Variants in SCRG1 observed in about 807,000 individuals in gnomAD.
SCRG1 encodes the protein scrapie-responsive protein 1.
SCRG1 carries 3 observed loss-of-function variants against 7.7 expected under a neutral mutation model. The ratio of observed to expected loss-of-function variants is 0.39; its 90% CI spans 0.18 to 1.01. The LOEUF (loss-of-function observed/expected upper bound fraction) is 1.01. Among genes scored for constraint, SCRG1 ranks in the 50% least tolerant of loss-of-function variants. The pLI is 0.36. For missense variants in SCRG1, 110 were observed against 117.2 expected (o/e 0.94, Z 0.28); for synonymous variants, 46 against 41.2 (o/e 1.12, Z -0.44).
chr4:173,502,162 C>T, the SCRG1 span, among the ~76,000 whole-genome samples: 1 of 150,990 alleles, frequency 6.6e-6, no homozygotes, highest in Admixed American at 6.6e-5. The surrounding 1 kb of genome is among the most constrained non-coding windows in gnomAD (Gnocchi z 4.6). Context: ...CTGACCCTTC[C>T]TCAACCTGGC....
chr4:173,388,518 T>A, intron 2 of SCRG1, 123 bp from the exon 3 acceptor site: 1 of 613,926 alleles, frequency 1.6e-6, no homozygotes, highest in Non-Finnish European at 2.7e-6. Context: ...TTTAGGTGAC[T>A]AAAATGTAAA....
At chr4:173,476,380 A>ATAT in the SCRG1 span, among the ~76,000 whole-genome samples, 3 of 138,546 alleles carry the variant, frequency 2.2e-5, no homozygotes. Context: ...ATATATATAT[A>ATAT]ATGAATTGAA....
the SCRG1 span, chr4:173,468,756 A>G: frequency 6.6e-6 from 1 of 152,208 alleles, no homozygotes; most frequent in Non-Finnish European, 1.5e-5. Flanking sequence ...AAGTAAACTC[A>G]TCCCTACTTT....
At chr4:173,506,756 T>C in the SCRG1 span, among the ~76,000 whole-genome samples, 1 of 152,256 alleles carries the variant, frequency 6.6e-6, no homozygotes, top group Non-Finnish European at 1.5e-5. The surrounding 1 kb of genome is among the most constrained non-coding windows in gnomAD (Gnocchi z 5.3). Flanking sequence ...TCAGTCCTGT[T>C]ACGGTGGCGG....
At chr4:173,434,688 C>T in the SCRG1 span, among the ~76,000 whole-genome samples, 11 of 152,112 alleles carry the variant, frequency 7.2e-5, no homozygotes, top group East Asian at 9.7e-4. Context: ...AACAATTAGC[C>T]GGGTGTCGTG....
the SCRG1 span, among the ~76,000 whole-genome samples, chr4:173,485,028 ATT>A: frequency 0.023 from 555 of 23,860 alleles, 100 homozygotes; most frequent in African/African-American, 0.089. Context: ...TATATAATAT[ATT>A]ATATATTATA....
the SCRG1 span, among the ~76,000 whole-genome samples, chr4:173,490,642 A>G: frequency 6.6e-6 from 1 of 152,222 alleles, no homozygotes; most frequent in Non-Finnish European, 1.5e-5. Context: ...TTTTATTTCA[A>G]TGCCTTGATC....
At chr4:173,479,598 G>A in the SCRG1 span, among the ~76,000 whole-genome samples, 2 of 151,762 alleles carry the variant, frequency 1.3e-5, no homozygotes, top group African/African-American at 4.8e-5. Flanking sequence ...GTGTCACCAT[G>A]CCTGGCTAAT....
the SCRG1 span, among the ~76,000 whole-genome samples, chr4:173,491,217 C>CTTT: frequency 1.4e-3 from 186 of 133,054 alleles, 1 homozygote; most frequent in African/African-American, 3.5e-3. Flanking sequence ...CTCTCTCTCT[C>CTTT]TTTTTTTTTT....
chr4:173,436,019 C>T, the SCRG1 span, among the ~76,000 whole-genome samples: 1 of 152,202 alleles, frequency 6.6e-6, no homozygotes, highest in East Asian at 1.9e-4. Context: ...CTGGAATACA[C>T]TGGCACAATG....
At chr4:173,411,730 C>A in the SCRG1 span, among the ~76,000 whole-genome samples, 1 of 152,124 alleles carries the variant, frequency 6.6e-6, no homozygotes, top group Admixed American at 6.5e-5. Context: ...ATTTCTAAAT[C>A]ATTATTGATT....
chr4:173,484,363 T>A, the SCRG1 span, among the ~76,000 whole-genome samples: 138 of 26,972 alleles, frequency 5.1e-3, 1 homozygote, highest in East Asian at 0.016. Context: ...ATAATATATA[T>A]TATATATTAT....
chr4:173,492,496 A>C, the SCRG1 span, among the ~76,000 whole-genome samples: 77 of 152,180 alleles, frequency 5.1e-4, no homozygotes, highest in African/African-American at 1.8e-3. Flanking sequence ...GGCATGAGGC[A>C]CCCAAGCAGG....
the SCRG1 span, among the ~76,000 whole-genome samples, chr4:173,417,888 C>A: frequency 6.6e-6 from 1 of 152,104 alleles, no homozygotes; most frequent in African/African-American, 2.4e-5. Flanking sequence ...GTCTGTGTTT[C>A]TATAAGGACC....
chr4:173,510,423 CATATATAT>C, the SCRG1 span, among the ~76,000 whole-genome samples: 2 of 149,194 alleles, frequency 1.3e-5, no homozygotes, highest in African/African-American at 4.9e-5. The surrounding 1 kb of genome is among the most constrained non-coding windows in gnomAD (Gnocchi z 5.7). Context: ...AGGCCAAAAC[CATATATAT>C]ATATATATAT....
the SCRG1 span, among the ~76,000 whole-genome samples, chr4:173,475,660 T>C: frequency 6.6e-6 from 1 of 152,152 alleles, no homozygotes; most frequent in Non-Finnish European, 1.5e-5. Flanking sequence ...GGCAGCATCA[T>C]TCACAATAGT....
At chr4:173,486,905 G>C in the SCRG1 span, among the ~76,000 whole-genome samples, 1 of 152,102 alleles carries the variant, frequency 6.6e-6, no homozygotes, top group Admixed American at 6.6e-5. Flanking sequence ...TCCATTCAGG[G>C]CCTCCTTGTT....
intron 2 of SCRG1, among the ~76,000 whole-genome samples, chr4:173,389,331 G>C (rs1441783819): frequency 6.6e-6 from 1 of 151,970 alleles, no homozygotes. Context: ...TCAGGATATC[G>C]AGACCATCCT....
the SCRG1 span, among the ~76,000 whole-genome samples, chr4:173,470,661 G>A: frequency 2.0e-5 from 3 of 152,134 alleles, no homozygotes; most frequent in East Asian, 3.8e-4. Context: ...GAAATTATCT[G>A]AATTAAGTAA....
Sources: gnomAD v4.1 joint callset for allele counts (sites outside exome capture counted in the v4.1 genomes callset) on GRCh38, gnomAD v4.1.1 for gene constraint, Gnocchi (gnomAD v3.1) non-coding constraint, MANE v1.5 for transcripts, NCBI Gene and HGNC (gene_info 2026-07-23, HGNC 2026-07-21) for gene names.